Variants in NLRC5 observed in about 807,000 individuals in gnomAD.
NLRC5 encodes protein NLRC5.
NLRC5 carries 114 observed loss-of-function variants against 206.9 expected under a neutral mutation model. The ratio of observed to expected loss-of-function variants is 0.55; its 90% CI spans 0.47 to 0.64. The LOEUF is 0.64. Among genes scored for constraint, NLRC5 ranks in the 30% least tolerant of loss-of-function variants. The pLI is 0.00. For synonymous variants in NLRC5, 952 were observed against 962.8 expected, an observed-to-expected ratio of 0.99 and a Z score of 0.21; for missense variants, 2,008 against 2,305.5, an observed-to-expected ratio of 0.87 and a Z score of 2.64.
chr16:57,042,007 GA>G lies in NLRC5; in HGVS notation c.3057del (p.Gly1020ValfsTer18). 6.3e-7 allele frequency: 1 copy of G among 1,580,668 alleles called. No individual in the cohort carries two copies. The highest frequency in any genetic ancestry group is 8.6e-7 in the Non-Finnish European group (1 of 1,167,006). On this transcript the variant is annotated frameshift_variant, in exon 19 of 49. Coordinates refer to ENST00000688547, the MANE Select transcript of NLRC5 (RefSeq NM_001384950.1). LOFTEE classifies it high-confidence loss of function. Reference protein sequence around the residue: ...LDFSGNALGDEGAARLAQLLP... With the variant: ...LDFSGNALGDXGAARLAQLLP... ...CTTCTCAGGCAATGCTCTGGGGGATGAAGGTGCAGCCCGGCTGGCTCAGCTG... is the reference window on the plus strand; with the variant it reads ...CTTCTCAGGCAATGCTCTGGGGGATGAGGTGCAGCCCGGCTGGCTCAGCTG...
chr16:57,041,338 G>T, intron 17 of NLRC5, 147 bp from the exon 18 acceptor site: 1 of 625,902 alleles, frequency 1.6e-6, no homozygotes, highest in Admixed American at 2.9e-5. Flanking sequence ...GTCCCTCTTT[G>T]TCCGTCTGTC....
chr16:57,032,688 C>T (rs1156430103), intron 11 of NLRC5, among the ~76,000 whole-genome samples: 1 of 151,926 alleles, frequency 6.6e-6, no homozygotes, highest in Non-Finnish European at 1.5e-5. Context: ...AGGACATTTC[C>T]ATCATTGCAG....
At position 57,040,525 on chromosome 16, in the gene NLRC5, G is replaced by T. The variant is rs1349082037; in HGVS notation, c.2871-125G>T. 5 of 850,344 alleles carry T rather than the reference G, an allele frequency of 5.9e-6. No individual in the cohort carries two copies. In the African/African-American group the frequency reaches 6.7e-5, roughly 11 times the overall value. The allele number at this position is 850,344 out of a possible 1,614,324, so 52.7% of individuals were successfully genotyped here. The stretch of plus-strand genomic sequence containing the variant: ...ACCAGGAAGTGGAGAAGCCAAATTG[G>T]CACCAAGGTCTGATTGACTCTAGGT... On this transcript the variant is annotated intron_variant, in intron 16 of 48. Transcript: ENST00000688547.
chr16:57,061,310 G>A (rs944111870), intron 30 of NLRC5, 138 bp from the exon 31 acceptor site: 15 of 726,212 alleles, frequency 2.1e-5, no homozygotes, highest in African/African-American at 2.0e-4. Context: ...TGCATATTTG[G>A]CCTCTCAGGC....
Position 57,040,648 on chromosome 16 carries a change from A to G in NLRC5, c.2871-2A>G. ...AGCCTGGCCTTGGTGATGTCCCTCC[A>G]GGGCTGCATTTCTTGACAGCCTCAT... On this transcript the variant is annotated splice_acceptor_variant, in intron 16 of 48. Transcript: ENST00000688547. LOFTEE classifies it high-confidence loss of function. 3 of 1,614,102 alleles carry G rather than the reference A, an allele frequency of 1.9e-6. No homozygotes were observed. Among genetic ancestry groups the G allele is most frequent in the South Asian group, 1.1e-5 (1 of 91,080 alleles).
chr16:57,018,606 A>T (rs1185577104), intron 2 of NLRC5, among the ~76,000 whole-genome samples: 6 of 152,150 alleles, frequency 3.9e-5, no homozygotes, highest in African/African-American at 1.4e-4. Flanking sequence ...GCTGGGCTCT[A>T]AACCCCAGGA....
At chr16:56,994,454 C>T (rs1302567622) in intron 1 of NLRC5, among the ~76,000 whole-genome samples, 1 of 152,202 alleles carries the variant, frequency 6.6e-6, no homozygotes, top group African/African-American at 2.4e-5. Flanking sequence ...CACTGGGCTA[C>T]AGCCGGGAAC....
chr16:56,994,755 G>C (rs886355484), intron 1 of NLRC5, among the ~76,000 whole-genome samples: 3 of 152,166 alleles, frequency 2.0e-5, no homozygotes, highest in African/African-American at 7.2e-5. Context: ...GTGGGGAGAA[G>C]AAGAAAGCAG....
intron 32 of NLRC5, among the ~76,000 whole-genome samples, chr16:57,063,232 C>A (rs2066731784): frequency 6.6e-6 from 1 of 151,504 alleles, no homozygotes; most frequent in African/African-American, 2.4e-5. Context: ...CCTGCCTCAG[C>A]CTCCGGAGTA....
chr16:57,014,693 T>C (rs1226729164), intron 1 of NLRC5, among the ~76,000 whole-genome samples: 2 of 152,182 alleles, frequency 1.3e-5, no homozygotes, highest in African/African-American at 4.8e-5. Context: ...CGAAGGCAAG[T>C]ATGTCTTAGT....
intron 47 of NLRC5, 132 bp from the exon 48 acceptor site, chr16:57,081,395 T>C: frequency 1.0e-6 from 1 of 960,292 alleles, no homozygotes; most frequent in Non-Finnish European, 1.6e-6. Context: ...TGTTGTCTTT[T>C]GGGTTCCCTG....
In NLRC5 at chr16:57,014,346, A is replaced by G. The variant is rs144599994; in HGVS notation, c.-127-2728A>G. ...ATTTTTTTCCATTTTTAATCCAAGAATCTTAAAGTTTGAATGATGGTCACC... is the reference window on the plus strand; with the variant it reads ...ATTTTTTTCCATTTTTAATCCAAGAGTCTTAAAGTTTGAATGATGGTCACC... On this transcript the variant is annotated intron_variant, in intron 1 of 48. Coordinates refer to ENST00000688547, the MANE Select transcript of NLRC5 (RefSeq NM_001384950.1). Among the ~76,000 whole-genome samples, 29 of 152,290 alleles carry G rather than the reference A, an allele frequency of 1.9e-4. 1 individual carries two copies. The East Asian group carries it at 5.6e-3, about 29-fold the overall frequency.
rs760853864 is a variant in NLRC5, at chr16:57,026,640, C to T, written c.1697C>T (p.Ala566Val). 17 of 1,614,186 alleles carry T rather than the reference C, an allele frequency of 1.1e-5. No individual in the cohort carries two copies. The highest frequency in any genetic ancestry group is 2.2e-5 in the South Asian group (2 of 91,090). ...GLSDHLPTFL[A>V]GLASCTCRPF... ...TCAGACCACCTCCCCACCTTCCTGG[C>T]GGGCCTGGCATCCTGCACCTGCCGC... Residue 566 changes from alanine to valine, a missense_variant, in exon 6 of 49, where the codon GCG becomes GTG. By Grantham distance (64) the Ala-to-Val change is moderately conservative. Transcript: ENST00000688547.
intron 3 of NLRC5, 32 bp downstream of exon 3, chr16:57,021,039 C>G (rs375380698): frequency 8.1e-6 from 13 of 1,600,848 alleles, no homozygotes; most frequent in Non-Finnish European, 1.0e-5. Flanking sequence ...GCAAAGCAGC[C>G]GGGCCAGTAC....
intron 1 of NLRC5, among the ~76,000 whole-genome samples, chr16:57,011,843 A>C (rs1151265): frequency 6.6e-6 from 1 of 152,092 alleles, no homozygotes; most frequent in Non-Finnish European, 1.5e-5. Context: ...GGCAATAAAG[A>C]ATACATTATT....
chr16:57,006,068 G>A (rs930402435), intron 1 of NLRC5, among the ~76,000 whole-genome samples: 9 of 151,578 alleles, frequency 5.9e-5, no homozygotes, highest in Non-Finnish European at 1.2e-4. Context: ...TGCAATCTTG[G>A]CTCACTGCAG....
intron 12 of NLRC5, 108 bp downstream of exon 12, chr16:57,033,777 C>A: frequency 9.3e-7 from 1 of 1,072,780 alleles, no homozygotes; most frequent in Non-Finnish European, 1.4e-6. Context: ...AGATGAGGGA[C>A]AGGGAAAGGA....
chr16:56,995,088 C>A (rs563913721), intron 1 of NLRC5, among the ~76,000 whole-genome samples: 1 of 152,116 alleles, frequency 6.6e-6, no homozygotes, highest in Non-Finnish European at 1.5e-5. Flanking sequence ...GCAGGAGAAT[C>A]GCTTGAACCT....
rs777745465 is a variant in NLRC5, at chr16:57,026,290, T to C, written c.1347T>C (p.Pro449=). 3.7e-6 allele frequency: 6 copies of C among 1,613,884 alleles called. No individual in the cohort carries two copies. The highest frequency in any genetic ancestry group is 3.3e-5 in the Admixed American group (2 of 60,012). Residue 449 remains proline (P), a synonymous_variant, in exon 6 of 49, where the codon CCT becomes CCC. Coordinates refer to ENST00000688547, the MANE Select transcript of NLRC5 (RefSeq NM_001384950.1). The stretch of plus-strand genomic sequence containing the variant: ...AGATGGTGCTCGCCCTCAGCCCCCC[T>C]GGGCACTTGCCCACCTCGTCCCTAC... ...YMQMVLALSP[P]GHLPTSSLLD...
Sources: allele counts gnomAD v4.1 joint callset (sites outside exome capture counted in the v4.1 genomes callset), GRCh38; gene constraint gnomAD v4.1.1; transcripts MANE v1.5; gene names NCBI Gene and HGNC (gene_info 2026-07-23, HGNC 2026-07-21).